DPH6: variants seen among roughly 807,000 people sequenced by gnomAD.
DPH6 encodes diphthamine biosynthesis 6.
Under a neutral mutation model 38.2 loss-of-function variants are expected in DPH6, and 33 were observed. The ratio of observed to expected loss-of-function variants is 0.86; its 90% CI spans 0.65 to 1.15. The LOEUF is 1.15. DPH6 is among the 50% of genes most tolerant of loss of function. The probability of loss-of-function intolerance (pLI) is 0.00; values close to 1 mark genes in which losing one functional copy is unlikely to be tolerated. For synonymous variants in DPH6, 108 were observed against 103.0 expected (o/e 1.05, Z -0.30); for missense variants, 325 against 320.0 (o/e 1.02, Z -0.12).
At chr15:35,410,623 A>G (rs2053353507) in intron 6 of DPH6, among the ~76,000 whole-genome samples, 1 of 151,764 alleles carries the variant, frequency 6.6e-6, no homozygotes, top group South Asian at 2.1e-4. Flanking sequence ...TCTTAGGTAT[A>G]ACTGTGTCAT....
chr15:35,236,461 AC>A (rs1216899201), intron 3 of DPH6, among the ~76,000 whole-genome samples: 7 of 151,982 alleles, frequency 4.6e-5, no homozygotes, highest in African/African-American at 1.7e-4. Flanking sequence ...ACACGGTGAA[AC>A]CCCGTCTCTA....
chr15:35,376,272 CAGTT>C (rs2052779407), intron 7 of DPH6, among the ~76,000 whole-genome samples: 1 of 152,072 alleles, frequency 6.6e-6, no homozygotes, highest in Non-Finnish European at 1.5e-5. Context: ...AATGAATGTA[CAGTT>C]AAACTTTGTT....
chr15:35,349,662 T>C (rs1324746273), intron 3 of DPH6, among the ~76,000 whole-genome samples: 1 of 152,208 alleles, frequency 6.6e-6, no homozygotes, highest in Non-Finnish European at 1.5e-5. Context: ...CTTGAACTCC[T>C]GACCTCAAGT....
intron 3 of DPH6, among the ~76,000 whole-genome samples, chr15:35,480,643 T>C (rs1452692123): frequency 6.6e-6 from 1 of 152,094 alleles, no homozygotes; most frequent in East Asian, 1.9e-4. Context: ...ACATAAAGCA[T>C]ACTAATATTT....
chr15:35,191,798 A>T, the DPH6 span, among the ~76,000 whole-genome samples: 4 of 152,210 alleles, frequency 2.6e-5, no homozygotes, highest in African/African-American at 9.6e-5. Flanking sequence ...AGACAATCTC[A>T]GTAATGAGAT....
chr15:35,226,252 G>A (rs1409187062), intron 3 of DPH6, among the ~76,000 whole-genome samples: 1 of 152,120 alleles, frequency 6.6e-6, no homozygotes, highest in Non-Finnish European at 1.5e-5. Flanking sequence ...GTGTAGTATG[G>A]TGATAGCTTT....
At chr15:35,191,362 C>G in the DPH6 span, among the ~76,000 whole-genome samples, 2 of 152,194 alleles carry the variant, frequency 1.3e-5, no homozygotes, top group Admixed American at 1.3e-4. Context: ...AATGAAGCAT[C>G]ATTCTACTCA....
chr15:35,230,731 C>T (rs2051511364), intron 3 of DPH6, among the ~76,000 whole-genome samples: 1 of 152,140 alleles, frequency 6.6e-6, no homozygotes, highest in South Asian at 2.1e-4. Context: ...GTGATGAATC[C>T]TGCCAGGACT....
At chr15:35,178,880 TATAGTACCTAGTACCCAATA>T in the DPH6 span, among the ~76,000 whole-genome samples, 1 of 152,018 alleles carries the variant, frequency 6.6e-6, no homozygotes, top group Admixed American at 6.6e-5. Context: ...AACCAGCTAG[TATAGTACCTAGTACCCAATA>T]AGTGCTCAAT....
chr15:35,248,275 C>G (rs948731904), intron 3 of DPH6, among the ~76,000 whole-genome samples: 1 of 152,204 alleles, frequency 6.6e-6, no homozygotes, highest in Non-Finnish European at 1.5e-5. Flanking sequence ...AACCAGAACC[C>G]CTTTTCTCAA....
chr15:35,213,314 A>G (rs150705251), downstream of DPH6, among the ~76,000 whole-genome samples: 530 of 152,370 alleles, frequency 3.5e-3, 3 homozygotes, highest in African/African-American at 0.012. Context: ...AAATTATCAA[A>G]TGAGATACCG....
chr15:35,384,131 T>A (rs1170390579), intron 6 of DPH6, among the ~76,000 whole-genome samples: 1 of 152,244 alleles, frequency 6.6e-6, no homozygotes, highest in East Asian at 1.9e-4. Flanking sequence ...GTCTCTGGCT[T>A]CGACTCAAAA....
intron 3 of DPH6, chr15:35,489,492 T>C: frequency 1.0e-6 from 1 of 982,796 alleles, no homozygotes. Flanking sequence ...ATAATAAATA[T>C]GAACTAGAAT....
At chr15:35,499,127 C>T (rs1252490398) in intron 3 of DPH6, among the ~76,000 whole-genome samples, 1 of 151,980 alleles carries the variant, frequency 6.6e-6, no homozygotes, top group Non-Finnish European at 1.5e-5. Context: ...CTATACTTTT[C>T]CATTTTTCTA....
At chr15:35,160,570 G>A in the DPH6 span, among the ~76,000 whole-genome samples, 1 of 151,770 alleles carries the variant, frequency 6.6e-6, no homozygotes, top group Admixed American at 6.6e-5. Flanking sequence ...GCTACCTATA[G>A]TATCCAATAG....
At chr15:35,158,542 G>A in the DPH6 span, among the ~76,000 whole-genome samples, 1 of 151,966 alleles carries the variant, frequency 6.6e-6, no homozygotes, top group Non-Finnish European at 1.5e-5. Flanking sequence ...AGCTTATGCT[G>A]TTATATATTA....
At chr15:35,244,473 C>T (rs1294166993) in intron 3 of DPH6, among the ~76,000 whole-genome samples, 10 of 152,232 alleles carry the variant, frequency 6.6e-5, no homozygotes, top group African/African-American at 1.4e-4. Context: ...CGCTCTTTCA[C>T]GAACACATTC....
the DPH6 span, among the ~76,000 whole-genome samples, chr15:35,152,325 T>G: frequency 1.3e-5 from 2 of 152,128 alleles, no homozygotes. Context: ...TAGGAACCAC[T>G]GCATATTGTG....
At chr15:35,433,040 T>C (rs927301433) in intron 5 of DPH6, among the ~76,000 whole-genome samples, 3 of 151,960 alleles carry the variant, frequency 2.0e-5, no homozygotes, top group Non-Finnish European at 4.4e-5. Context: ...AAAAAAAGAA[T>C]AGGGAAGTTG....
Sources: gnomAD v4.1 joint callset for allele counts (sites outside exome capture counted in the v4.1 genomes callset) on GRCh38, gnomAD v4.1.1 for gene constraint, MANE v1.5 for transcripts, NCBI Gene and HGNC (gene_info 2026-07-23, HGNC 2026-07-21) for gene names.